The following TRPM3 variants were observed in gnomAD, a reference collection of about 807,000 sequenced individuals.
TRPM3 encodes the protein long transient receptor potential channel 3.
A neutral mutation model predicts 181.2 loss-of-function variants in TRPM3; 77 were observed. The ratio of observed to expected loss-of-function variants is 0.42; its 90% CI spans 0.35 to 0.51. The LOEUF is 0.51. Among genes scored for constraint, TRPM3 ranks in the 20% least tolerant of loss-of-function variants. The pLI is 0.01. For missense variants in TRPM3, 1,759 were observed against 2,196.7 expected, an observed-to-expected ratio of 0.80 and a Z score of 3.98; for synonymous variants, 745 against 796.4, an observed-to-expected ratio of 0.94 and a Z score of 1.09.
rs557385928 is a variant in TRPM3, at chr9:70,954,295, C to T, written c.178-89784G>A. Among the ~76,000 whole-genome samples, 8 of 152,220 alleles carry T rather than the reference C, an allele frequency of 5.3e-5. No homozygotes were observed. The East Asian group carries it at 7.7e-4, about 15-fold the overall frequency. On this transcript the variant is annotated intron_variant, in intron 1 of 25. Coordinates refer to ENST00000677713, the MANE Select transcript of TRPM3 (RefSeq NM_001366145.2). The stretch of plus-strand genomic sequence containing the variant: ...CAGTGAAATATCCTTCAGCATGTCC[C>T]GCAGGCCTCTTTGGTGGTGCAGTGA...
intron 19 of TRPM3, among the ~76,000 whole-genome samples, chr9:70,603,869 C>T (rs921933317): frequency 4.6e-5 from 7 of 152,058 alleles, no homozygotes; most frequent in African/African-American, 7.2e-5. Flanking sequence ...TTTTGCCTCA[C>T]GAATGCCAGG....
chr9:71,432,244 T>C (rs761238343), intron 1 of TRPM3, among the ~76,000 whole-genome samples: 8 of 150,912 alleles, frequency 5.3e-5, no homozygotes, highest in Middle Eastern at 3.2e-3. Flanking sequence ...CCTCCAGTTA[T>C]ACAAGATACA....
chr9:70,993,784 CAAAAAAAA>C, intron 1 of TRPM3, among the ~76,000 whole-genome samples: 1 of 66,770 alleles, frequency 1.5e-5, no homozygotes, highest in African/African-American at 6.5e-5. Context: ...GATTCCATCT[CAAAAAAAA>C]AAAAAAAAAA....
chr9:71,034,405 A>G (rs1007231249), intron 1 of TRPM3, among the ~76,000 whole-genome samples: 1 of 152,188 alleles, frequency 6.6e-6, no homozygotes, highest in Non-Finnish European at 1.5e-5. Context: ...GAAACATGGG[A>G]AAAAAGAGAG....
At chr9:71,390,341 A>C (rs911183601) in intron 1 of TRPM3, among the ~76,000 whole-genome samples, 2 of 152,090 alleles carry the variant, frequency 1.3e-5, no homozygotes, top group Non-Finnish European at 2.9e-5. Flanking sequence ...TGTATCAACT[A>C]AAACTAACTT....
intron 1 of TRPM3, among the ~76,000 whole-genome samples, chr9:71,393,688 C>T (rs569890753): frequency 2.0e-5 from 3 of 152,266 alleles, no homozygotes; most frequent in South Asian, 2.1e-4. Context: ...CAACCGCACA[C>T]AGCCAATTTC....
intron 8 of TRPM3, among the ~76,000 whole-genome samples, chr9:70,687,805 C>G (rs1564000424): frequency 6.6e-6 from 1 of 152,212 alleles, no homozygotes. Flanking sequence ...CTCTCACCCT[C>G]TTGCATGTAG....
At chr9:71,331,162 TACC>T (rs2090080727) in intron 1 of TRPM3, among the ~76,000 whole-genome samples, 2 of 151,918 alleles carry the variant, frequency 1.3e-5, no homozygotes, top group South Asian at 4.1e-4. Flanking sequence ...GTGTTAATTA[TACC>T]ACAATAAAAA....
At chr9:70,927,196 G>A (rs1347647503) in intron 1 of TRPM3, among the ~76,000 whole-genome samples, 6 of 152,182 alleles carry the variant, frequency 3.9e-5, no homozygotes, top group Non-Finnish European at 8.8e-5. Context: ...CTGGGAAGCT[G>A]AGGAAGCTAG....
intron 1 of TRPM3, among the ~76,000 whole-genome samples, chr9:71,365,280 C>G (rs993061241): frequency 1.3e-5 from 2 of 152,138 alleles, no homozygotes; most frequent in Non-Finnish European, 2.9e-5. Context: ...GGTGAAGTTT[C>G]CCTTCCCACT....
chr9:71,419,380 G>A (rs1431175), intron 1 of TRPM3, among the ~76,000 whole-genome samples: 66,398 of 151,642 alleles, frequency 0.44, 14,717 homozygotes, highest in South Asian at 0.52. Context: ...ATTCAAATGC[G>A]CAGAAGATAC....
rs2092003169 is a variant in TRPM3 at position 70,811,355 on chromosome 9, C to T, written c.973+16492G>A. 17 of 872,666 alleles carry T rather than the reference C, an allele frequency of 1.9e-5. No individual in the cohort carries two copies. The South Asian group carries it at 2.1e-4, about 11-fold the overall frequency. 54.1% of individuals were successfully genotyped at this position (872,666 alleles called of 1,614,324 possible). On this transcript the variant is annotated intron_variant, in intron 6 of 25. Coordinates refer to ENST00000677713, the MANE Select transcript of TRPM3 (RefSeq NM_001366145.2). ...TAAATTTATATACGTGATGGCAACT[C>T]AAGTTGCACAGTGAAACCTATGTAG...
intron 1 of TRPM3, among the ~76,000 whole-genome samples, chr9:71,182,699 A>C (rs983292238): frequency 6.6e-6 from 1 of 152,066 alleles, no homozygotes; most frequent in African/African-American, 2.4e-5. Flanking sequence ...GTCTTGCTCT[A>C]TTGCCAGGCT....
intron 1 of TRPM3, among the ~76,000 whole-genome samples, chr9:70,933,088 A>G (rs1564792781): frequency 6.6e-6 from 1 of 152,180 alleles, no homozygotes; most frequent in Non-Finnish European, 1.5e-5. Flanking sequence ...AGATGAAACC[A>G]TTTAATGAGA....
At chr9:70,543,577 A>G (rs1284707081) in intron 25 of TRPM3, among the ~76,000 whole-genome samples, 2 of 152,168 alleles carry the variant, frequency 1.3e-5, no homozygotes, top group Non-Finnish European at 2.9e-5. Flanking sequence ...GATCCCACAA[A>G]TAAGTGAGAA....
intron 8 of TRPM3, among the ~76,000 whole-genome samples, chr9:70,684,622 C>T (rs559727200): frequency 1.3e-5 from 2 of 151,972 alleles, no homozygotes; most frequent in South Asian, 2.1e-4. Context: ...AAAACTAAGG[C>T]CTTCCTTTCC....
chr9:70,536,485 T>C lies in TRPM3; in HGVS notation c.4628A>G (p.Tyr1543Cys). ...HSFMFSPSRS[Y>C]YANFGVPVKT... ...TACAGGCACCCCAAAGTTGGCATAA[T>C]AGCTCCTTGAGGGGGAAAACATAAA... is the stretch of plus-strand genomic sequence containing the variant. Residue 1543 changes from tyrosine to cysteine, a missense_variant, in exon 26 of 26, where the codon TAT becomes TGT. Tyr to Cys is a radical substitution (Grantham distance 194). Coordinates refer to ENST00000677713, the MANE Select transcript of TRPM3 (RefSeq NM_001366145.2). The C allele has an allele frequency of 6.2e-7, 1 of 1,614,174 alleles. No homozygotes were observed. Among genetic ancestry groups the C allele is most frequent in the Non-Finnish European group, 8.5e-7 (1 of 1,180,036 alleles).
intron 1 of TRPM3, among the ~76,000 whole-genome samples, chr9:71,047,903 CTT>C (rs1185378415): frequency 1.3e-5 from 2 of 151,798 alleles, no homozygotes; most frequent in African/African-American, 4.8e-5. Flanking sequence ...AGAGCAGAGT[CTT>C]TGATTCTCTC....
chr9:71,010,928 C>CAT (rs746820455), intron 1 of TRPM3, among the ~76,000 whole-genome samples: 3 of 69,774 alleles, frequency 4.3e-5, no homozygotes, highest in Non-Finnish European at 7.0e-5. Flanking sequence ...CACACACACA[C>CAT]ACATACACAC....
Sources: allele counts gnomAD v4.1 joint callset (sites outside exome capture counted in the v4.1 genomes callset), GRCh38; gene constraint gnomAD v4.1.1; transcripts MANE v1.5; gene names NCBI Gene and HGNC (gene_info 2026-07-23, HGNC 2026-07-21).